Variants in ANO6 observed in about 807,000 individuals in gnomAD.
ANO6 encodes anoctamin 6.
In ANO6, 106 loss-of-function variants were observed where a neutral mutation model predicts 117.5. The observed-to-expected ratio is 0.90, with a 90% confidence interval of 0.77 to 1.06. The LOEUF (loss-of-function observed/expected upper bound fraction) is 1.06, where lower values mean the gene tolerates loss of function less well. Among genes scored for constraint, ANO6 ranks in the 50% least tolerant of loss-of-function variants. The pLI, the probability that ANO6 is intolerant of heterozygous loss-of-function variation, is 0.00. For missense variants in ANO6, 955 were observed against 1,121.1 expected (o/e 0.85, Z 2.12); for synonymous variants, 367 against 385.1 (o/e 0.95, Z 0.55).
rs75112333 is a variant in ANO6, at chr12:45,412,411, T to A, written c.2011+2924T>A. Among the ~76,000 whole-genome samples the A allele has an allele frequency of 8.8e-3, 1,341 of 152,300 alleles. 16 individuals are homozygous for A. The highest frequency in any genetic ancestry group is 0.029 in the African/African-American group (1,202 of 41,556). On this transcript the variant is annotated intron_variant, in intron 16 of 19. Transcript: ENST00000320560. ...TTCATCTGTCTCCAAGTTAATTTTT[T>A]AAAATCTGCTAAAACAATGACCTTC...
At chr12:45,248,503 G>A (rs946397216) in intron 1 of ANO6, among the ~76,000 whole-genome samples, 4 of 146,760 alleles carry the variant, frequency 2.7e-5, no homozygotes, top group Non-Finnish European at 5.9e-5. Context: ...GCATGATCTC[G>A]GTTCATTGCA....
chr12:45,368,429 G>C (rs1428870655), intron 9 of ANO6, among the ~76,000 whole-genome samples: 2 of 152,194 alleles, frequency 1.3e-5, no homozygotes, highest in Admixed American at 6.5e-5. Flanking sequence ...GTCAGATTTA[G>C]ACTGTCTCTA....
intron 1 of ANO6, among the ~76,000 whole-genome samples, chr12:45,250,950 A>G (rs1422743977): frequency 2.0e-5 from 3 of 151,696 alleles, no homozygotes; most frequent in Non-Finnish European, 4.4e-5. Context: ...GCTCATGCCT[A>G]TTATCTCAGA....
chr12:45,263,773 C>T (rs1938125853), intron 1 of ANO6, among the ~76,000 whole-genome samples: 1 of 152,132 alleles, frequency 6.6e-6, no homozygotes, highest in East Asian at 1.9e-4. Flanking sequence ...AACATGCACA[C>T]CATCCAGGTG....
chr12:45,415,012 C>G (rs1446515676), intron 16 of ANO6, among the ~76,000 whole-genome samples: 1 of 152,206 alleles, frequency 6.6e-6, no homozygotes, highest in Non-Finnish European at 1.5e-5. Context: ...CCCGCCTCAG[C>G]CTCCCAAAGT....
At chr12:45,242,600 A>G (rs748084862) in intron 1 of ANO6, among the ~76,000 whole-genome samples, 12 of 152,298 alleles carry the variant, frequency 7.9e-5, no homozygotes, top group Admixed American at 3.3e-4. Context: ...ACCAGTCCCA[A>G]TGAGATGAAC....
intron 9 of ANO6, among the ~76,000 whole-genome samples, chr12:45,369,287 C>T (rs1941763019): frequency 6.6e-6 from 1 of 152,162 alleles, no homozygotes; most frequent in Non-Finnish European, 1.5e-5. Flanking sequence ...CTAAAGGGCA[C>T]TAGTTAGCTG....
At chr12:45,415,922 TGAG>T (rs1384281576) in intron 16 of ANO6, among the ~76,000 whole-genome samples, 1 of 152,086 alleles carries the variant, frequency 6.6e-6, no homozygotes, top group Non-Finnish European at 1.5e-5. Flanking sequence ...GTCTAAAACT[TGAG>T]GATATTTTCT....
rs754127433 is a variant in ANO6 at position 45,216,296 on chromosome 12, G to A, written c.-26G>A. 19 of 1,594,442 alleles carry A rather than the reference G, an allele frequency of 1.2e-5. No homozygotes were observed. Among genetic ancestry groups the A allele is most frequent in the Non-Finnish European group, 1.5e-5 (18 of 1,170,780 alleles). On this transcript the variant is annotated 5_prime_UTR_variant, in exon 1 of 20. Transcript: ENST00000320560. ...CCGGGAGCCCCCAACTTCGCGCCAA[G>A]TTCGGAGCCGCCTTCTGAGGGAGAC...
In ANO6 at chr12:45,321,178, T is replaced by C. The variant is rs80134714; in HGVS notation, c.151-10117T>C. Among the ~76,000 whole-genome samples, 857 of 152,284 alleles carry C rather than the reference T, an allele frequency of 5.6e-3. 5 individuals are homozygous for C. Among genetic ancestry groups the C allele is most frequent in the Non-Finnish European group, 6.9e-3 (467 of 68,026 alleles). ...TAAATGAAGATGATTCAGTCTTACA[T>C]AGACAGGTAGTCAGTAAAAGGAAGC... On this transcript the variant is annotated intron_variant, in intron 2 of 19. Coordinates refer to ENST00000320560, the MANE Select transcript of ANO6 (RefSeq NM_001025356.3).
chr12:45,358,237 C>G (rs1941463365), intron 8 of ANO6, among the ~76,000 whole-genome samples: 1 of 152,188 alleles, frequency 6.6e-6, no homozygotes, highest in African/African-American at 2.4e-5. Flanking sequence ...TCAGCCTGCT[C>G]CTGAGTTAGG....
intron 1 of ANO6, among the ~76,000 whole-genome samples, chr12:45,263,610 C>T (rs1381804703): frequency 1.3e-5 from 2 of 152,100 alleles, no homozygotes; most frequent in African/African-American, 4.8e-5. Flanking sequence ...TCACCTTAAA[C>T]CTCTCCTAAC....
At chr12:45,385,771 T>C (rs545198262) in intron 10 of ANO6, among the ~76,000 whole-genome samples, 1 of 152,340 alleles carries the variant, frequency 6.6e-6, no homozygotes, top group Admixed American at 6.5e-5. Context: ...TCACCCTCTA[T>C]ATAAAACACT....
chr12:45,426,819 T>A (rs1943515322), intron 19 of ANO6, among the ~76,000 whole-genome samples: 1 of 151,930 alleles, frequency 6.6e-6, no homozygotes, highest in Non-Finnish European at 1.5e-5. Context: ...CTGTTGATGA[T>A]CTCCTGGAGT....
intron 1 of ANO6, among the ~76,000 whole-genome samples, chr12:45,293,967 A>G (rs1271307566): frequency 6.6e-6 from 1 of 152,070 alleles, no homozygotes; most frequent in Non-Finnish European, 1.5e-5. Context: ...AGACATCCAA[A>G]TTAGTGCTAT....
chr12:45,425,083 G>T (rs182065071), intron 19 of ANO6, among the ~76,000 whole-genome samples: 1 of 152,054 alleles, frequency 6.6e-6, no homozygotes, highest in East Asian at 1.9e-4. Context: ...AATAATTATG[G>T]GTAGAATTTA....
At chr12:45,339,540 T>TTC (rs1380519574) in intron 3 of ANO6, among the ~76,000 whole-genome samples, 1 of 152,182 alleles carries the variant, frequency 6.6e-6, no homozygotes, top group African/African-American at 2.4e-5. Flanking sequence ...CAGCTAAATA[T>TTC]TCACTCCATC....
intron 2 of ANO6, among the ~76,000 whole-genome samples, chr12:45,329,018 G>A (rs999014131): frequency 1.7e-4 from 26 of 152,226 alleles, no homozygotes; most frequent in Admixed American, 7.2e-4. Flanking sequence ...AATGACAACC[G>A]TGTCAGGGGA....
chr12:45,397,545 T>C (rs1364424427), intron 12 of ANO6, among the ~76,000 whole-genome samples: 2 of 152,228 alleles, frequency 1.3e-5, no homozygotes, highest in African/African-American at 2.4e-5. Flanking sequence ...TATATGTTTA[T>C]TGCAGCACTA....
Sources: allele counts gnomAD v4.1 joint callset (sites outside exome capture counted in the v4.1 genomes callset), GRCh38; gene constraint gnomAD v4.1.1; transcripts MANE v1.5; gene names NCBI Gene and HGNC (gene_info 2026-07-23, HGNC 2026-07-21).